GNG2: variants seen among roughly 807,000 people sequenced by gnomAD.
The protein encoded by GNG2 is guanine nucleotide-binding protein G(I)/G(S)/G(O) subunit gamma-2.
In GNG2, 5 loss-of-function variants were observed where a neutral mutation model predicts 5.5. That is an observed-to-expected ratio of 0.91 (90% confidence interval 0.48 to 1.92). The LOEUF (loss-of-function observed/expected upper bound fraction) is 1.92. Ranked by LOEUF, GNG2 falls within the 30% of genes most tolerant of loss-of-function variation. The pLI, the probability that GNG2 is intolerant of heterozygous loss-of-function variation, is 0.01. For missense variants in GNG2, 55 were observed against 88.4 expected (o/e 0.62, Z 1.52); for synonymous variants, 28 against 32.0 (o/e 0.88, Z 0.42).
At chr14:51,842,799 G>C (rs1378556534) in intron 2 of GNG2, among the ~76,000 whole-genome samples, 1 of 151,964 alleles carries the variant, frequency 6.6e-6, no homozygotes, top group Non-Finnish European at 1.5e-5. Flanking sequence ...CCAGTAGCTG[G>C]GATTACAGGC....
chr14:51,948,147 A>C (rs1321193062), intron 2 of GNG2, among the ~76,000 whole-genome samples: 1 of 152,256 alleles, frequency 6.6e-6, no homozygotes, highest in Non-Finnish European at 1.5e-5. Flanking sequence ...CTCATTGGCC[A>C]AAACTTAGTC....
At chr14:51,861,422 C>G (rs1882471472) in intron 1 of GNG2, 1 of 152,144 alleles carries the variant, frequency 6.6e-6, no homozygotes, top group African/African-American at 2.4e-5. Context: ...CATCCTTGTT[C>G]AAAGGAGCGT....
intron 2 of GNG2, among the ~76,000 whole-genome samples, chr14:51,895,393 A>G (rs545652717): frequency 3.3e-4 from 51 of 152,378 alleles, no homozygotes; most frequent in African/African-American, 1.1e-3. Context: ...AAGGTAGACA[A>G]TATTTCCAGA....
At chr14:51,886,143 A>G (rs1884445928) in intron 2 of GNG2, among the ~76,000 whole-genome samples, 1 of 152,226 alleles carries the variant, frequency 6.6e-6, no homozygotes, top group Non-Finnish European at 1.5e-5. Context: ...ATATGCAAAA[A>G]AGGTTGATGT....
intron 2 of GNG2, among the ~76,000 whole-genome samples, chr14:51,833,794 G>C (rs1363123461): frequency 6.6e-6 from 1 of 152,238 alleles, no homozygotes; most frequent in East Asian, 1.9e-4. Flanking sequence ...CATCACAGCA[G>C]TATTGCTGTG....
intron 3 of GNG2, among the ~76,000 whole-genome samples, chr14:51,966,237 A>AAAAAGAAAAAC: frequency 6.8e-6 from 1 of 146,604 alleles, no homozygotes; most frequent in Admixed American, 6.7e-5. Context: ...AAAAAAAAAA[A>AAAAAGAAAAAC]CAAATGAAGG....
At chr14:51,907,594 G>C (rs1437946524) in intron 2 of GNG2, among the ~76,000 whole-genome samples, 43 of 152,230 alleles carry the variant, frequency 2.8e-4, no homozygotes. Flanking sequence ...TTGTCAGGGT[G>C]TTCTTCTGTG....
chr14:51,850,432 AGT>A (rs769362035), intron 2 of GNG2, among the ~76,000 whole-genome samples: 7 of 152,094 alleles, frequency 4.6e-5, no homozygotes, highest in Non-Finnish European at 1.5e-5. Flanking sequence ...AAATCTACCA[AGT>A]GTACCAGTGA....
chr14:51,864,788 C>T (rs540724506), intron 1 of GNG2, among the ~76,000 whole-genome samples: 6 of 152,248 alleles, frequency 3.9e-5, no homozygotes, highest in Non-Finnish European at 1.5e-5. Context: ...AACTAAAGTA[C>T]TAAATTGCTC....
chr14:51,958,163 C>A (rs901976287), intron 3 of GNG2, among the ~76,000 whole-genome samples: 11 of 152,154 alleles, frequency 7.2e-5, no homozygotes, highest in African/African-American at 2.7e-4. Flanking sequence ...GTGGTTATTG[C>A]GTCCTTTTGG....
At chr14:51,893,718 T>G (rs1183360804) in intron 2 of GNG2, among the ~76,000 whole-genome samples, 1 of 152,162 alleles carries the variant, frequency 6.6e-6, no homozygotes, top group Non-Finnish European at 1.5e-5. Context: ...TTCTAATATT[T>G]TAAAAAACAT....
intron 2 of GNG2, among the ~76,000 whole-genome samples, chr14:51,893,594 T>A (rs564766450): frequency 6.6e-5 from 10 of 152,258 alleles, no homozygotes; most frequent in African/African-American, 2.4e-4. Context: ...TTTCTTTTTT[T>A]AAAAAGTATT....
intron 2 of GNG2, among the ~76,000 whole-genome samples, chr14:51,838,310 G>A (rs968808262): frequency 8.5e-5 from 13 of 152,132 alleles, no homozygotes; most frequent in Non-Finnish European, 1.8e-4. Context: ...CAGGCGTGGT[G>A]GCGTGCACCT....
At chr14:51,838,247 A>C (rs140250117) in intron 2 of GNG2, among the ~76,000 whole-genome samples, 1,880 of 152,180 alleles carry the variant, frequency 0.012, 42 homozygotes, top group African/African-American at 0.043. Flanking sequence ...AGTTTGAGAC[A>C]AGCCTGGCCA....
chr14:51,841,543 T>C, intron 2 of GNG2: 1 of 702,166 alleles, frequency 1.4e-6, no homozygotes, highest in Non-Finnish European at 2.6e-6. Context: ...ACACAGCTAA[T>C]TAAGTGTTGG....
chr14:51,913,630 G>T (rs1335698203), intron 2 of GNG2, among the ~76,000 whole-genome samples: 1 of 152,158 alleles, frequency 6.6e-6, no homozygotes. Context: ...TCACCTTTGA[G>T]ATCAGGGAAG....
At chr14:51,905,603 T>C (rs1025949608) in intron 2 of GNG2, among the ~76,000 whole-genome samples, 1 of 152,230 alleles carries the variant, frequency 6.6e-6, no homozygotes, top group Non-Finnish European at 1.5e-5. Context: ...GAGCAGAAGC[T>C]GAATTTGCCA....
At chr14:51,911,639 G>A (rs1352874217) in intron 2 of GNG2, among the ~76,000 whole-genome samples, 1 of 126,876 alleles carries the variant, frequency 7.9e-6, no homozygotes, top group African/African-American at 3.2e-5. Flanking sequence ...TAACTCTTGG[G>A]CTCATGTAAT....
At chr14:51,862,223 G>GT (rs1368650286) in intron 1 of GNG2, among the ~76,000 whole-genome samples, 1 of 152,152 alleles carries the variant, frequency 6.6e-6, no homozygotes, top group African/African-American at 2.4e-5. Flanking sequence ...TTTCTCAGAG[G>GT]TTTTTTGCTC....
Sources: allele counts gnomAD v4.1 joint callset (sites outside exome capture counted in the v4.1 genomes callset), GRCh38; gene constraint gnomAD v4.1.1; transcripts MANE v1.5; gene names NCBI Gene and HGNC (gene_info 2026-07-23, HGNC 2026-07-21).